The following PDE3A variants were observed in gnomAD, a reference collection of about 807,000 sequenced individuals.
PDE3A encodes the protein cGMP-inhibited 3',5'-cyclic phosphodiesterase 3A.
Under a neutral mutation model 98.3 loss-of-function variants are expected in PDE3A, and 43 were observed. The ratio of observed to expected loss-of-function variants is 0.44; its 90% confidence interval spans 0.34 to 0.56. The LOEUF (loss-of-function observed/expected upper bound fraction) is 0.56, where lower values mean the gene tolerates loss of function less well. PDE3A is among the 20% of genes least tolerant of loss of function. The pLI, the probability that PDE3A is intolerant of heterozygous loss-of-function variation, is 0.01. For missense variants in PDE3A, 1,427 were observed against 1,440.7 expected, an observed-to-expected ratio of 0.99 and a Z score of 0.15; for synonymous variants, 663 against 567.9, an observed-to-expected ratio of 1.17 and a Z score of -2.38.
At chr12:20,387,802 A>G (rs1213966523) in intron 1 of PDE3A, among the ~76,000 whole-genome samples, 1 of 152,042 alleles carries the variant, frequency 6.6e-6, no homozygotes, top group Non-Finnish European at 1.5e-5. Flanking sequence ...AAGATAAGAT[A>G]TTTTAAAATG....
At chr12:20,467,810 C>T (rs1945365496) in intron 1 of PDE3A, among the ~76,000 whole-genome samples, 1 of 151,382 alleles carries the variant, frequency 6.6e-6, no homozygotes, top group Non-Finnish European at 1.5e-5. Context: ...TGGCACGCGC[C>T]TATAATCCCA....
At chr12:20,593,027 A>G (rs1050671118) in intron 2 of PDE3A, among the ~76,000 whole-genome samples, 3 of 152,202 alleles carry the variant, frequency 2.0e-5, no homozygotes, top group Admixed American at 6.6e-5. Flanking sequence ...CTGGCAAGGA[A>G]TTTAGTCATA....
chr12:20,370,316 A>T, intron 1 of PDE3A, 72 bp downstream of exon 1: 3 of 1,363,546 alleles, frequency 2.2e-6, no homozygotes, highest in East Asian at 2.4e-5. Flanking sequence ...GAGTGGAGAG[A>T]ATCCGAGCGC....
intron 15 of PDE3A, among the ~76,000 whole-genome samples, chr12:20,679,338 C>T (rs1211784657): frequency 2.0e-5 from 3 of 152,166 alleles, no homozygotes. Context: ...AGCTCCGCCT[C>T]CTGGGTTCAC....
chr12:20,484,194 C>A lies in PDE3A; in HGVS notation c.961-72466C>A, dbSNP rs145301939. Among the ~76,000 whole-genome samples the A allele has an allele frequency of 3.3e-3, 508 of 152,240 alleles. 3 individuals are homozygous for A. The highest frequency in any genetic ancestry group is 0.012 in the African/African-American group (483 of 41,542). ...CTGCAATACATACAAATTTGTATCT[C>A]CCCTCCTCAAACTAGTCCCTCTGAG... On this transcript the variant is annotated intron_variant, in intron 1 of 15. Transcript: ENST00000359062.
At chr12:20,545,619 G>A (rs1315651331) in intron 1 of PDE3A, among the ~76,000 whole-genome samples, 2 of 151,870 alleles carry the variant, frequency 1.3e-5, no homozygotes, top group African/African-American at 4.8e-5. Flanking sequence ...TTGTCTGAAG[G>A]TTTACGAGGA....
intron 2 of PDE3A, among the ~76,000 whole-genome samples, chr12:20,574,684 G>T (rs1942886325): frequency 6.6e-6 from 1 of 151,860 alleles, no homozygotes; most frequent in African/African-American, 2.4e-5. Context: ...AGCATGATGA[G>T]CCCAGGCCTT....
At chr12:20,383,408 G>T (rs1247828490) in intron 1 of PDE3A, among the ~76,000 whole-genome samples, 2 of 151,842 alleles carry the variant, frequency 1.3e-5, no homozygotes, top group Admixed American at 1.3e-4. Context: ...GTATAATACA[G>T]CTAAGCCCTG....
chr12:20,424,820 CAG>C (rs765145406), intron 1 of PDE3A, among the ~76,000 whole-genome samples: 2 of 152,160 alleles, frequency 1.3e-5, no homozygotes, highest in East Asian at 1.9e-4. Flanking sequence ...CATATCAAGA[CAG>C]TGGATCATGA....
chr12:20,634,681 T>C (rs1352501913), intron 7 of PDE3A, among the ~76,000 whole-genome samples: 2 of 152,182 alleles, frequency 1.3e-5, no homozygotes, highest in African/African-American at 2.4e-5. Flanking sequence ...TGAGGGGTTA[T>C]TGAATGTCAT....
chr12:20,429,188 A>G (rs890026800), intron 1 of PDE3A, among the ~76,000 whole-genome samples: 3 of 152,240 alleles, frequency 2.0e-5, no homozygotes, highest in East Asian at 1.9e-4. Flanking sequence ...AATACATAAC[A>G]TAGTGAATTG....
At chr12:20,460,827 C>G (rs186316623) in intron 1 of PDE3A, among the ~76,000 whole-genome samples, 64 of 152,274 alleles carry the variant, frequency 4.2e-4, no homozygotes, top group African/African-American at 1.1e-3. Context: ...CCTGCTCCCC[C>G]CTTTTCATGG....
At chr12:20,456,933 A>G (rs1033358221) in intron 1 of PDE3A, among the ~76,000 whole-genome samples, 11 of 152,182 alleles carry the variant, frequency 7.2e-5, no homozygotes, top group African/African-American at 2.7e-4. Flanking sequence ...TGCTTTGTCA[A>G]GTATCCTTAG....
At chr12:20,537,212 G>A (rs1941771793) in intron 1 of PDE3A, among the ~76,000 whole-genome samples, 1 of 152,000 alleles carries the variant, frequency 6.6e-6, no homozygotes, top group Non-Finnish European at 1.5e-5. Context: ...TTGGAGAAAT[G>A]TCTATTTAAT....
At chr12:20,674,427 G>T (rs1315057190) in intron 15 of PDE3A, among the ~76,000 whole-genome samples, 1 of 152,082 alleles carries the variant, frequency 6.6e-6, no homozygotes, top group Non-Finnish European at 1.5e-5. Context: ...ATTAGCTGTG[G>T]TTTTATTATG....
At chr12:20,674,067 T>G (rs185845362) in intron 15 of PDE3A, among the ~76,000 whole-genome samples, 1 of 152,144 alleles carries the variant, frequency 6.6e-6, no homozygotes, top group African/African-American at 2.4e-5. Flanking sequence ...TTTCTAATTT[T>G]TTATAGCTAT....
chr12:20,481,763 G>A (rs890792856), intron 1 of PDE3A, among the ~76,000 whole-genome samples: 4,280 of 33,530 alleles, frequency 0.13, 101 homozygotes, highest in Non-Finnish European at 0.17. Context: ...TTGGGAAATA[G>A]ATTTTTTTTT....
chr12:20,394,683 TAAAA>T lies in PDE3A; in HGVS notation c.960+24440_960+24443del, dbSNP rs138642281. 1.1e-4 allele frequency among the ~76,000 whole-genome samples: 16 copies of T among 152,178 alleles called. No individual in the cohort carries two copies. In the East Asian group the frequency reaches 3.1e-3, roughly 29 times the overall value. On this transcript the variant is annotated intron_variant, in intron 1 of 15. Transcript: ENST00000359062. Reference sequence around the variant, plus strand: ...AGAAAATACGATTTTAAACTGCAAATAAAACATGCAAGAACTTGAATCTTTTATT... The same window carrying T: ...AGAAAATACGATTTTAAACTGCAAATCATGCAAGAACTTGAATCTTTTATT...
At chr12:20,678,853 G>A (rs1484077002) in intron 15 of PDE3A, among the ~76,000 whole-genome samples, 1 of 152,118 alleles carries the variant, frequency 6.6e-6, no homozygotes, top group South Asian at 2.1e-4. Context: ...TGGTTGTGAG[G>A]GCAGAAGTAG....
Sources: allele counts gnomAD v4.1 joint callset (sites outside exome capture counted in the v4.1 genomes callset), GRCh38; gene constraint gnomAD v4.1.1; transcripts MANE v1.5; gene names NCBI Gene and HGNC (gene_info 2026-07-23, HGNC 2026-07-21).